CEP85L: variants seen among roughly 807,000 people sequenced by gnomAD.
The protein encoded by CEP85L is centrosomal protein of 85 kDa-like.
CEP85L carries 60 observed loss-of-function variants against 100.3 expected under a neutral mutation model. That is an observed-to-expected ratio of 0.60 (90% confidence interval 0.49 to 0.74). The LOEUF (loss-of-function observed/expected upper bound fraction) is 0.74, where lower values mean the gene tolerates loss of function less well. Among genes scored for constraint, CEP85L ranks in the 30% least tolerant of loss-of-function variants. The probability of loss-of-function intolerance (pLI) is 0.00; values close to 1 mark genes in which losing one functional copy is unlikely to be tolerated. For missense variants in CEP85L, 973 were observed against 936.2 expected (o/e 1.04, Z -0.51); for synonymous variants, 319 against 322.7 (o/e 0.99, Z 0.12).
At chr6:118,594,453 T>C (rs903922146) in intron 2 of CEP85L, among the ~76,000 whole-genome samples, 3 of 152,164 alleles carry the variant, frequency 2.0e-5, no homozygotes, top group Non-Finnish European at 4.4e-5. Context: ...AAGAAAATTA[T>C]CTCTAATACA....
At chr6:118,563,930 CTT>C (rs1779359331) in intron 3 of CEP85L, among the ~76,000 whole-genome samples, 1 of 152,148 alleles carries the variant, frequency 6.6e-6, no homozygotes, top group Non-Finnish European at 1.5e-5. Flanking sequence ...GTCTAGTTTT[CTT>C]TACCTGAATT....
At chr6:118,492,756 CA>C (rs1774657999) in intron 5 of CEP85L, among the ~76,000 whole-genome samples, 4 of 152,030 alleles carry the variant, frequency 2.6e-5, no homozygotes, top group Admixed American at 2.6e-4. Context: ...AATCAGATCC[CA>C]CCAGTTTAAT....
chr6:118,639,677 CA>C (rs1361732808), intron 1 of CEP85L, among the ~76,000 whole-genome samples: 3 of 152,188 alleles, frequency 2.0e-5, no homozygotes, highest in African/African-American at 7.2e-5. Flanking sequence ...TCTTCTCCCT[CA>C]CCAAACTGTG....
rs1775539262 is a variant in CEP85L, at chr6:118,651,281, G to A, written c.-12C>T. ...AAGCGCCCCCACATCGCGGGCGAGA[G>A]GGCCGGGTGGGCCAGGGACGCCCGA... On this transcript the variant is annotated 5_prime_UTR_variant, in exon 1 of 13. Coordinates refer to ENST00000368491, the MANE Select transcript of CEP85L (RefSeq NM_001042475.3). 4 of 1,480,974 alleles carry A rather than the reference G, an allele frequency of 2.7e-6. No individual in the cohort carries two copies. The highest frequency in any genetic ancestry group is 3.6e-6 in the Non-Finnish European group (4 of 1,119,546). 91.7% of individuals were successfully genotyped at this position (1,480,974 alleles called of 1,614,324 possible).
At chr6:118,589,501 A>G in intron 2 of CEP85L, 1 of 253,694 alleles carries the variant, frequency 3.9e-6, no homozygotes, top group Admixed American at 4.0e-5. Context: ...CCCTGGGAAA[A>G]GAAAGTACCT....
At chr6:118,515,629 A>G (rs1355551822) in intron 4 of CEP85L, among the ~76,000 whole-genome samples, 2 of 152,264 alleles carry the variant, frequency 1.3e-5, no homozygotes, top group African/African-American at 4.8e-5. Flanking sequence ...ACAATGTAAC[A>G]TAATTGTAAA....
intron 3 of CEP85L, among the ~76,000 whole-genome samples, chr6:118,542,771 G>A (rs921593019): frequency 2.7e-4 from 41 of 151,486 alleles, no homozygotes; most frequent in South Asian, 4.2e-4. Context: ...AATAGCCCAC[G>A]CCAAACCACA....
intron 1 of CEP85L, among the ~76,000 whole-genome samples, chr6:118,692,057 A>C (rs775189142): frequency 6.6e-6 from 1 of 152,070 alleles, no homozygotes; most frequent in Admixed American, 6.5e-5. Context: ...GCCCTCAGGT[A>C]GCAACTCAGG....
At chr6:118,547,586 C>T (rs946027614) in intron 3 of CEP85L, among the ~76,000 whole-genome samples, 5 of 151,946 alleles carry the variant, frequency 3.3e-5, no homozygotes, top group African/African-American at 9.7e-5. Context: ...ATCTTAAATA[C>T]TTAAAGTAGC....
Position 118,491,865 on chromosome 6 carries a change from G to A in CEP85L, c.1258C>T (p.Pro420Ser). 6.3e-7 allele frequency: 1 copy of A among 1,580,614 alleles called. No individual in the cohort carries two copies. Among genetic ancestry groups the A allele is most frequent in the Non-Finnish European group, 8.6e-7 (1 of 1,167,558 alleles). Residue 420 changes from proline to serine, a missense_variant and splice_region_variant, in exon 6 of 13, where the codon CCA becomes TCA. This residue lies in a region of CEP85L where 890 missense variants were observed against 844.5 expected (regional missense o/e 1.05). Transcript: ENST00000368491. ...TGGAGTGAAGTGTTCTCATATTGTG[G>A]CTGTTAGGAAAGAAAAAAAGGAGGT... is the stretch of plus-strand genomic sequence containing the variant. ...CEDSYVASLQ[P>S]QYENTSLQTP...
At chr6:118,543,097 C>G (rs1321818123) in intron 3 of CEP85L, among the ~76,000 whole-genome samples, 1 of 152,016 alleles carries the variant, frequency 6.6e-6, no homozygotes, top group Non-Finnish European at 1.5e-5. Context: ...CTTAGCTCAT[C>G]TGATGGCCTA....
exon 1 of CEP85L, chr6:118,710,048 C>T (rs185589007): frequency 6.6e-6 from 1 of 152,216 alleles, no homozygotes; most frequent in Admixed American, 6.5e-5. Context: ...TTTCAAACCT[C>T]CTCAAGGAAC....
At chr6:118,643,382 G>C (rs535631293) in intron 1 of CEP85L, among the ~76,000 whole-genome samples, 4 of 152,252 alleles carry the variant, frequency 2.6e-5, no homozygotes, top group African/African-American at 9.6e-5. Flanking sequence ...TAATCAACTG[G>C]TAGAAAATGC....
At chr6:118,693,569 C>G (rs996973448) in intron 1 of CEP85L, among the ~76,000 whole-genome samples, 1 of 152,224 alleles carries the variant, frequency 6.6e-6, no homozygotes, top group Non-Finnish European at 1.5e-5. Flanking sequence ...CAAATGGACT[C>G]TGCCTGATAT....
intron 10 of CEP85L, among the ~76,000 whole-genome samples, chr6:118,472,034 C>T (rs1432011101): frequency 6.6e-6 from 1 of 151,710 alleles, no homozygotes; most frequent in African/African-American, 2.4e-5. Flanking sequence ...ACTACTCAAA[C>T]TCACATTCTA....
rs185846037 is a variant in CEP85L, at chr6:118,548,061, C to T, written c.1020+17468G>A. ...ATGAATCTTTAACAAAAGCTTTCCACCACCTCAAGTTTACTTATTTTTTTC... is the reference window on the plus strand; with the variant it reads ...ATGAATCTTTAACAAAAGCTTTCCATCACCTCAAGTTTACTTATTTTTTTC... On this transcript the variant is annotated intron_variant, in intron 3 of 12. Coordinates refer to ENST00000368491, the MANE Select transcript of CEP85L (RefSeq NM_001042475.3). 2.2e-3 allele frequency among the ~76,000 whole-genome samples: 334 copies of T among 152,170 alleles called. 2 individuals carry two copies. Among genetic ancestry groups the T allele is most frequent in the African/African-American group, 7.5e-3 (313 of 41,542 alleles).
chr6:118,670,439 G>T (rs2798321), intron 1 of CEP85L, among the ~76,000 whole-genome samples: 76,516 of 150,298 alleles, frequency 0.51, 19,633 homozygotes, highest in Middle Eastern at 0.58. Flanking sequence ...GTTTCCTTTT[G>T]TTGTTGTTGT....
chr6:118,475,822 TTCTC>T (rs1773326943), intron 10 of CEP85L, among the ~76,000 whole-genome samples: 1 of 152,212 alleles, frequency 6.6e-6, no homozygotes, highest in Non-Finnish European at 1.5e-5. Context: ...ACCTCAGTCT[TTCTC>T]TCCAGTTCCC....
intron 1 of CEP85L, among the ~76,000 whole-genome samples, chr6:118,662,524 G>A (rs555565276): frequency 4.9e-5 from 6 of 123,508 alleles, no homozygotes; most frequent in Admixed American, 2.4e-4. Context: ...GAGGGAAACC[G>A]CATCTCAAAA....
Sources: allele counts gnomAD v4.1 joint callset (sites outside exome capture counted in the v4.1 genomes callset), GRCh38; gene constraint gnomAD v4.1.1; regional missense constraint gnomAD v4.1.1; transcripts MANE v1.5; gene names NCBI Gene and HGNC (gene_info 2026-07-23, HGNC 2026-07-21).